Variants in ASIC2 observed in about 807,000 individuals in gnomAD.
ASIC2 encodes the protein acid-sensing ion channel 2.
Under a neutral mutation model 57.3 loss-of-function variants are expected in ASIC2, and 25 were observed. The ratio of observed to expected loss-of-function variants is 0.44; its 90% CI spans 0.32 to 0.61. ASIC2 has a LOEUF of 0.61. Among genes scored for constraint, ASIC2 ranks in the 20% least tolerant of loss-of-function variants. ASIC2 has a pLI of 0.06. For missense variants in ASIC2, 641 were observed against 738.1 expected (o/e 0.87, Z 1.52); for synonymous variants, 319 against 307.5 (o/e 1.04, Z -0.39).
chr17:33,240,899 G>A (rs1198406163), intron 1 of ASIC2, among the ~76,000 whole-genome samples: 1 of 152,204 alleles, frequency 6.6e-6, no homozygotes, highest in East Asian at 1.9e-4. Flanking sequence ...AGGCAGGATC[G>A]TGGCATGCCA....
intron 1 of ASIC2, among the ~76,000 whole-genome samples, chr17:33,654,681 A>T (rs1447167274): frequency 6.6e-6 from 1 of 152,216 alleles, no homozygotes; most frequent in Non-Finnish European, 1.5e-5. Flanking sequence ...TGGGACCCAG[A>T]GCTCTCAGAC....
intron 3 of ASIC2, among the ~76,000 whole-genome samples, chr17:33,075,901 A>C (rs978615231): frequency 2.6e-5 from 4 of 152,226 alleles, no homozygotes; most frequent in African/African-American, 4.8e-5. Flanking sequence ...CCAGAAACTG[A>C]GGGCATTGAG....
chr17:33,954,791 C>T (rs1312098356), intron 1 of ASIC2, among the ~76,000 whole-genome samples: 1 of 152,226 alleles, frequency 6.6e-6, no homozygotes, highest in Admixed American at 6.5e-5. Flanking sequence ...TTTCACACAA[C>T]ATTCACATTG....
At position 34,156,637 on chromosome 17, in the gene ASIC2, C is replaced by T. The variant is rs1205231743; in HGVS notation, c.-105G>A. The T allele has an allele frequency of 1.6e-6, 2 of 1,241,670 alleles. No homozygotes were observed. Among genetic ancestry groups the T allele is most frequent in the East Asian group, 2.5e-5 (1 of 40,154 alleles). The allele number at this position is 1,241,670 out of a possible 1,614,324, so 76.9% of individuals were successfully genotyped here. On this transcript the variant is annotated 5_prime_UTR_variant, in exon 1 of 10. Transcript: ENST00000359872. The surrounding 1 kb of genome is among the most constrained non-coding windows in gnomAD (Gnocchi z 4.4). ...AAACCTTGACGTTCAGGGGAGAGAA[C>T]GCAAGGCAAGCATCGCGCCAGATGC...
chr17:33,414,440 C>T (rs993344852), intron 1 of ASIC2, among the ~76,000 whole-genome samples: 1 of 152,146 alleles, frequency 6.6e-6, no homozygotes, highest in African/African-American at 2.4e-5. Flanking sequence ...AGGACTGGAG[C>T]AGTGGGAGGA....
chr17:33,474,124 T>C (rs1035403538), intron 1 of ASIC2, among the ~76,000 whole-genome samples: 1 of 152,162 alleles, frequency 6.6e-6, no homozygotes, highest in Non-Finnish European at 1.5e-5. Flanking sequence ...CCCAGCACTT[T>C]GGGAGGCTGA....
intron 1 of ASIC2, among the ~76,000 whole-genome samples, chr17:33,750,337 A>G (rs1175292799): frequency 6.6e-6 from 1 of 152,048 alleles, no homozygotes; most frequent in African/African-American, 2.4e-5. Flanking sequence ...CTGAGGGGGA[A>G]ACGGTGGTTC....
intron 1 of ASIC2, among the ~76,000 whole-genome samples, chr17:33,602,125 G>A (rs141940676): frequency 2.0e-5 from 3 of 151,972 alleles, no homozygotes; most frequent in African/African-American, 7.2e-5. Context: ...TAAGACTTTG[G>A]AGTTTGGACT....
At chr17:33,248,047 T>G (rs1357961908) in intron 1 of ASIC2, among the ~76,000 whole-genome samples, 4 of 152,146 alleles carry the variant, frequency 2.6e-5, no homozygotes, top group Non-Finnish European at 5.9e-5. Flanking sequence ...ATGAGTAGAA[T>G]GGGGATGCCA....
intron 1 of ASIC2, among the ~76,000 whole-genome samples, chr17:33,770,858 C>A (rs184945367): frequency 2.6e-5 from 4 of 152,304 alleles, no homozygotes; most frequent in African/African-American, 9.6e-5. Flanking sequence ...ATTGTGAGGT[C>A]TCTGACAAGG....
At position 33,291,995 on chromosome 17, in the gene ASIC2, C is replaced by A; in HGVS notation, c.121G>T (p.Gly41Cys). 1.6e-6 allele frequency: 2 copies of A among 1,255,068 alleles called. No individual in the cohort carries two copies. The highest frequency in any genetic ancestry group is 2.0e-6 in the Non-Finnish European group (2 of 1,007,976). 77.7% of individuals were successfully genotyped at this position (1,255,068 alleles called of 1,614,324 possible). ...ALAAAGQPGGGRGGERALQGP... is the reference protein window; with the variant it reads ...ALAAAGQPGGCRGGERALQGP... ...TGCAGCGCCCGCTCGCCGCCTCTGC[C>A]GCCCCCGGGCTGCCCGGCAGCCGCC... The change falls in exon 1 of 10, where the codon GGC (glycine) becomes TGC (cysteine). Residue 41 changes from glycine to cysteine, a missense_variant. Gly to Cys is a radical substitution (Grantham distance 159). Around this residue, in one of 3 missense-constraint regions of ASIC2, gnomAD observed 382 missense variants for 398.0 expected, o/e 0.96. Transcript: ENST00000225823.
At chr17:34,003,946 C>T (rs946416589) in intron 1 of ASIC2, 3 of 152,238 alleles carry the variant, frequency 2.0e-5, no homozygotes, top group African/African-American at 7.2e-5. Flanking sequence ...ATGCAACAAG[C>T]ATCTTAAAAC....
chr17:33,771,741 T>C (rs1331376358), intron 1 of ASIC2, among the ~76,000 whole-genome samples: 1 of 152,212 alleles, frequency 6.6e-6, no homozygotes, highest in Non-Finnish European at 1.5e-5. Flanking sequence ...AATTGATACA[T>C]AATGATTGTA....
chr17:33,124,689 A>G (rs899387646), intron 1 of ASIC2, among the ~76,000 whole-genome samples: 2 of 152,206 alleles, frequency 1.3e-5, no homozygotes, highest in East Asian at 1.9e-4. Context: ...GACAATTTTT[A>G]CATGGACTGG....
chr17:33,158,979 G>A (rs1567767394), intron 1 of ASIC2, among the ~76,000 whole-genome samples: 1 of 152,122 alleles, frequency 6.6e-6, no homozygotes, highest in African/African-American at 2.4e-5. Context: ...AAGCAATTGG[G>A]CGGTACTGCC....
chr17:33,016,120 C>G, intron 8 of ASIC2, 81 bp from the exon 9 acceptor site: 1 of 1,395,144 alleles, frequency 7.2e-7, no homozygotes, highest in Non-Finnish European at 1.0e-6. Context: ...TTGGGCCCCA[C>G]TGGGGTGGCA....
At chr17:33,026,019 A>C in intron 4 of ASIC2, 37 bp from the exon 5 acceptor site, 1 of 1,607,508 alleles carries the variant, frequency 6.2e-7, no homozygotes, top group Non-Finnish European at 8.5e-7. Flanking sequence ...TTACTCAGGC[A>C]GGAACATTCA....
intron 1 of ASIC2, among the ~76,000 whole-genome samples, chr17:33,307,662 C>T (rs1012578464): frequency 6.6e-6 from 1 of 152,196 alleles, no homozygotes; most frequent in Non-Finnish European, 1.5e-5. Flanking sequence ...TAAAACTCTT[C>T]CTTGCTTCTG....
chr17:33,635,243 A>C (rs1379243929), intron 1 of ASIC2, among the ~76,000 whole-genome samples: 1 of 152,214 alleles, frequency 6.6e-6, no homozygotes, highest in Non-Finnish European at 1.5e-5. Flanking sequence ...AATGATAATA[A>C]TAACGTAGCT....
Sources: allele counts gnomAD v4.1 joint callset (sites outside exome capture counted in the v4.1 genomes callset), GRCh38; gene constraint gnomAD v4.1.1; regional missense constraint gnomAD v4.1.1; non-coding constraint Gnocchi (gnomAD v3.1); transcripts MANE v1.5; gene names NCBI Gene and HGNC (gene_info 2026-07-23, HGNC 2026-07-21).